Variants in PHC2 observed in about 807,000 individuals in gnomAD.
PHC2 encodes polyhomeotic homolog 2, also known as polyhomeotic-like protein 2.
PHC2 carries 29 observed loss-of-function variants against 87.4 expected under a neutral mutation model. The observed-to-expected ratio is 0.33, with a 90% CI of 0.25 to 0.45. The LOEUF is 0.45. PHC2 is among the 20% of genes least tolerant of loss of function. The probability of loss-of-function intolerance (pLI) is 1.00; values close to 1 mark genes in which losing one functional copy is unlikely to be tolerated. For missense variants in PHC2, 857 were observed against 1,136.7 expected (o/e 0.75, Z 3.54); for synonymous variants, 438 against 461.7 (o/e 0.95, Z 0.66).
At chr1:33,326,046 T>G (rs1463285661) in intron 14 of PHC2, 1 of 353,222 alleles carries the variant, frequency 2.8e-6, no homozygotes, top group Non-Finnish European at 5.7e-6. Context: ...TGTAAAAATG[T>G]GGTTGGTAGC....
chr1:33,373,380 C>T (rs1039992569), intron 2 of PHC2, among the ~76,000 whole-genome samples: 6 of 152,288 alleles, frequency 3.9e-5, no homozygotes, highest in African/African-American at 1.2e-4. Context: ...CTCGGTCTCC[C>T]AAAGTGCTGG....
At chr1:33,351,951 C>CAA (rs10718909) in intron 9 of PHC2, among the ~76,000 whole-genome samples, 1,816 of 87,168 alleles carry the variant, frequency 0.021, 45 homozygotes, top group East Asian at 0.083. Flanking sequence ...GAATGCATCT[C>CAA]AAAAAAAAAA....
chr1:33,333,137 C>A (rs373700790), intron 10 of PHC2: 1 of 152,186 alleles, frequency 6.6e-6, no homozygotes, highest in East Asian at 1.9e-4. Flanking sequence ...TGTAACAGAG[C>A]GAGAGCCACT....
In PHC2 at chr1:33,425,032, G is replaced by C. The variant is rs142457445; in HGVS notation, c.-55+5944C>G. Among the ~76,000 whole-genome samples the C allele has an allele frequency of 9.8e-4, 150 of 152,324 alleles. 4 individuals carry two copies. In the East Asian group the frequency reaches 0.024, roughly 25 times the overall value. Reference sequence around the variant, plus strand: ...CTACTAGGGCATGGTGTCGGGAAAAGAGCAGTGAATAAGCCAGACACAGAT... The same window carrying C: ...CTACTAGGGCATGGTGTCGGGAAAACAGCAGTGAATAAGCCAGACACAGAT... On this transcript the variant is annotated intron_variant, in intron 1 of 14. Coordinates refer to ENST00000683057, the MANE Select transcript of PHC2 (RefSeq NM_001385109.1).
intron 1 of PHC2, among the ~76,000 whole-genome samples, chr1:33,424,413 C>T (rs763769795): frequency 1.1e-4 from 16 of 152,140 alleles, no homozygotes; most frequent in Non-Finnish European, 1.9e-4. Context: ...TGTAAAAATT[C>T]CTGCGAGGTT....
At chr1:33,352,323 G>A (rs1439982993) in intron 9 of PHC2, among the ~76,000 whole-genome samples, 1 of 152,152 alleles carries the variant, frequency 6.6e-6, no homozygotes, top group Non-Finnish European at 1.5e-5. Context: ...TTAAGCAGAG[G>A]TGTTAGTATA....
intron 1 of PHC2, among the ~76,000 whole-genome samples, chr1:33,406,036 AT>A (rs1649749265): frequency 6.6e-6 from 1 of 152,200 alleles, no homozygotes; most frequent in Admixed American, 6.5e-5. Flanking sequence ...AATCTTACAT[AT>A]TCTTACTGGG....
chr1:33,428,145 G>GC (rs1370171417), intron 1 of PHC2, among the ~76,000 whole-genome samples: 1 of 152,216 alleles, frequency 6.6e-6, no homozygotes, highest in Non-Finnish European at 1.5e-5. Context: ...TGAAGAAACT[G>GC]AAGTCAAAGT....
chr1:33,410,942 C>T (rs955472295), intron 1 of PHC2, among the ~76,000 whole-genome samples: 27 of 152,144 alleles, frequency 1.8e-4, no homozygotes, highest in Non-Finnish European at 3.8e-4. Context: ...AATCAAGGCA[C>T]TAACTATGGG....
At chr1:33,325,079 C>A in intron 14 of PHC2, 60 bp from the exon 15 acceptor site, 1 of 1,475,490 alleles carries the variant, frequency 6.8e-7, no homozygotes, top group Non-Finnish European at 9.2e-7. Flanking sequence ...CCTCTGGCAG[C>A]CACTGCATCT....
intron 1 of PHC2, among the ~76,000 whole-genome samples, chr1:33,427,234 G>A (rs114871084): frequency 6.6e-6 from 1 of 152,184 alleles, no homozygotes; most frequent in Non-Finnish European, 1.5e-5. Context: ...AGCTTAGCAC[G>A]ATGCCTAGCA....
chr1:33,369,745 A>G lies in PHC2; in HGVS notation c.576+676T>C, dbSNP rs1397686588. Among the ~76,000 whole-genome samples the G allele has an allele frequency of 1.3e-5, 2 of 152,200 alleles. No individual in the cohort carries two copies. Among genetic ancestry groups the G allele is most frequent in the Non-Finnish European group, 2.9e-5 (2 of 68,030 alleles). On this transcript the variant is annotated intron_variant, in intron 5 of 14. Coordinates refer to ENST00000683057, the MANE Select transcript of PHC2 (RefSeq NM_001385109.1). The surrounding 1 kb of genome is among the most constrained non-coding windows in gnomAD (Gnocchi z 4.7). ...ATGGGAGGTATGAGACACGACCCACAGTGACTGAGCCCTAGCTGGGGCTGC... is the reference window on the plus strand; with the variant it reads ...ATGGGAGGTATGAGACACGACCCACGGTGACTGAGCCCTAGCTGGGGCTGC...
intron 1 of PHC2, among the ~76,000 whole-genome samples, chr1:33,416,295 C>T (rs55833779): frequency 0.1 from 15,322 of 151,790 alleles, 1,037 homozygotes; most frequent in East Asian, 0.28. Context: ...TGGCCAGGAG[C>T]GGTGGCTCAC....
chr1:33,325,699 A>G (rs1646354998), intron 14 of PHC2: 2 of 350,234 alleles, frequency 5.7e-6, no homozygotes, highest in African/African-American at 2.1e-5. Context: ...CCTGACCCAC[A>G]TGGCCCTTGA....
At chr1:33,411,876 C>A (rs538990983) in intron 1 of PHC2, among the ~76,000 whole-genome samples, 2 of 152,194 alleles carry the variant, frequency 1.3e-5, no homozygotes, top group South Asian at 2.1e-4. Context: ...TCTTTATAGA[C>A]AAAGGAAAAT....
chr1:33,341,276 G>A (rs997791074), intron 9 of PHC2, among the ~76,000 whole-genome samples: 1 of 152,268 alleles, frequency 6.6e-6, no homozygotes, highest in Non-Finnish European at 1.5e-5. Context: ...CTAGAACCCA[G>A]TGCTTTAGAC....
At position 33,328,906 on chromosome 1, in the gene PHC2, C is replaced by A; in HGVS notation, c.2389G>T (p.Val797Leu). ...CGGATGAATTCGTAGACGTCTTCTACATTCCACTTGGTGGGCTCACTTGGC... is the reference window on the plus strand; with the variant it reads ...CGGATGAATTCGTAGACGTCTTCTAAATTCCACTTGGTGGGCTCACTTGGC... Reference protein sequence around the residue: ...FLPSEPTKWNVEDVYEFIRSL... With the variant: ...FLPSEPTKWNLEDVYEFIRSL... Residue 797 changes from valine (V) to leucine (L), a missense_variant, in exon 14 of 15, where the codon GTA (valine) becomes TTA (leucine). Physicochemically the swap from Val to Leu is conservative, Grantham distance 32. Around this residue, in one of 3 missense-constraint regions of PHC2, gnomAD observed 832 missense variants for 1,081.8 expected, o/e 0.77. Coordinates refer to ENST00000683057, the MANE Select transcript of PHC2 (RefSeq NM_001385109.1). The A allele has an allele frequency of 6.2e-7, 1 of 1,613,544 alleles. No homozygotes were observed.
chr1:33,372,802 C>A (rs1647939388), intron 2 of PHC2, among the ~76,000 whole-genome samples: 2 of 152,228 alleles, frequency 1.3e-5, no homozygotes, highest in Admixed American at 1.3e-4. Flanking sequence ...CTCCACCAGG[C>A]TTGTCAGGCA....
intron 9 of PHC2, among the ~76,000 whole-genome samples, chr1:33,338,168 C>T (rs567989490): frequency 7.3e-4 from 111 of 152,324 alleles, no homozygotes; most frequent in Admixed American, 3.0e-3. Context: ...GAAGATCACT[C>T]TTGAGGTCAG....
Sources: gnomAD v4.1 joint callset for allele counts (sites outside exome capture counted in the v4.1 genomes callset) on GRCh38, gnomAD v4.1.1 for gene constraint, gnomAD v4.1.1 regional missense constraint, Gnocchi (gnomAD v3.1) non-coding constraint, MANE v1.5 for transcripts, NCBI Gene and HGNC (gene_info 2026-07-23, HGNC 2026-07-21) for gene names.